MTMR9: variants seen among roughly 807,000 people sequenced by gnomAD.
MTMR9 encodes the protein myotubularin-related protein 9.
In MTMR9, 39 loss-of-function variants were observed where a neutral mutation model predicts 69.5. That is an observed-to-expected ratio of 0.56 (90% CI 0.43 to 0.73). MTMR9 has a LOEUF of 0.73. MTMR9 is among the 30% of genes least tolerant of loss of function. The probability of loss-of-function intolerance (pLI) is 0.00; values close to 1 mark genes in which losing one functional copy is unlikely to be tolerated. For missense variants in MTMR9, 900 were observed against 671.2 expected (o/e 1.34, Z -3.77); for synonymous variants, 354 against 240.8 (o/e 1.47, Z -4.35).
At chr8:11,328,921 C>T (rs1315776610), downstream of MTMR9, among the ~76,000 whole-genome samples, 2 of 152,234 alleles carry the variant, frequency 1.3e-5, no homozygotes, top group Non-Finnish European at 2.9e-5. Flanking sequence ...TAAAATCTTA[C>T]ATTTAGATCT....
At chr8:11,291,442 G>A (rs941081032) in intron 1 of MTMR9, among the ~76,000 whole-genome samples, 1 of 152,098 alleles carries the variant, frequency 6.6e-6, no homozygotes, top group Non-Finnish European at 1.5e-5. Flanking sequence ...TACAGGGCAT[G>A]GATGGGACAA....
chr8:11,302,439 G>A (rs893742377), intron 3 of MTMR9, among the ~76,000 whole-genome samples: 1 of 151,942 alleles, frequency 6.6e-6, no homozygotes, highest in Non-Finnish European at 1.5e-5. Context: ...ACATGTTGTT[G>A]TTCAGCTACT....
At chr8:11,312,776 C>T (rs1422512876) in intron 6 of MTMR9, among the ~76,000 whole-genome samples, 1 of 152,168 alleles carries the variant, frequency 6.6e-6, no homozygotes, top group Non-Finnish European at 1.5e-5. Context: ...GTAGCTATGG[C>T]CTTAAAATAA....
chr8:11,309,704 G>C lies in MTMR9; in HGVS notation c.971+16G>C, dbSNP rs979095615. The stretch of plus-strand genomic sequence containing the variant: ...GCATCGACAGGTAAAGTGCATTTCA[G>C]CGTTCCTGAGCGAAACATGGCGCTG... On this transcript the variant is annotated intron_variant, in intron 6 of 9. Coordinates refer to ENST00000221086, the MANE Select transcript of MTMR9 (RefSeq NM_015458.4). 4 of 1,610,908 alleles carry C rather than the reference G, an allele frequency of 2.5e-6. No individual in the cohort carries two copies. Among genetic ancestry groups the C allele is most frequent in the Admixed American group, 3.4e-5 (2 of 59,334 alleles).
At chr8:11,329,764 C>T (rs1801120700), downstream of MTMR9, among the ~76,000 whole-genome samples, 2 of 152,194 alleles carry the variant, frequency 1.3e-5, no homozygotes, top group African/African-American at 4.8e-5. Context: ...AGCGTCTCCG[C>T]CTGGCCACCC....
At chr8:11,308,735 C>A (rs1419280651) in intron 5 of MTMR9, among the ~76,000 whole-genome samples, 3 of 152,078 alleles carry the variant, frequency 2.0e-5, no homozygotes, top group Non-Finnish European at 4.4e-5. Context: ...CATTGTTTTT[C>A]TCTCTGTTTT....
chr8:11,310,426 A>C (rs1251518364), intron 6 of MTMR9, among the ~76,000 whole-genome samples: 4 of 152,194 alleles, frequency 2.6e-5, no homozygotes, highest in Non-Finnish European at 4.4e-5. Context: ...TGAGACTTTA[A>C]CTTGTTTTAT....
At chr8:11,329,445 C>A (rs1385121651), downstream of MTMR9, among the ~76,000 whole-genome samples, 2 of 152,278 alleles carry the variant, frequency 1.3e-5, no homozygotes, top group South Asian at 4.1e-4. Flanking sequence ...TGCCGAGTGC[C>A]TGCCATTGCA....
chr8:11,311,251 A>G (rs1338844168), intron 6 of MTMR9, among the ~76,000 whole-genome samples: 2 of 152,230 alleles, frequency 1.3e-5, no homozygotes, highest in Admixed American at 6.5e-5. Context: ...CTTTTAAATT[A>G]AGAACCCCCA....
At chr8:11,306,876 C>T (rs1222951923) in intron 5 of MTMR9, among the ~76,000 whole-genome samples, 1 of 152,138 alleles carries the variant, frequency 6.6e-6, no homozygotes, top group African/African-American at 2.4e-5. Context: ...CCGACCCCTC[C>T]TGCTACTTTC....
intron 1 of MTMR9, 42 bp downstream of exon 1, chr8:11,285,112 T>TC (rs762268807): frequency 6.7e-7 from 1 of 1,489,584 alleles, no homozygotes; most frequent in South Asian, 1.3e-5. Flanking sequence ...GAGCCGGGGG[T>TC]CCCTTGTGGG....
In MTMR9 at chr8:11,325,776, G is replaced by A. The variant is rs920903643; in HGVS notation, c.*2988G>A. On this transcript the variant is annotated 3_prime_UTR_variant, in exon 10 of 10. Transcript: ENST00000221086. ...TTATTTGGTCAAAATTTTTTATTTT[G>A]ATTTTATTAAATGGGAAGAAAGCAA... is the stretch of plus-strand genomic sequence containing the variant. The A allele has an allele frequency of 1.3e-5, 2 of 151,152 alleles. No homozygotes were observed. Among genetic ancestry groups the A allele is most frequent in the African/African-American group, 4.9e-5 (2 of 41,140 alleles). The allele number at this position is 151,152 out of a possible 1,614,324, so 9.4% of individuals were successfully genotyped here.
Position 11,309,676 on chromosome 8 carries a change from A to T in MTMR9, c.959A>T (p.Gln320Leu). Residue 320 changes from glutamine (Q) to leucine (L), a missense_variant, in exon 6 of 10, where the codon CAG (glutamine) becomes CTG (leucine). Coordinates refer to ENST00000221086, the MANE Select transcript of MTMR9 (RefSeq NM_015458.4). ...CTGACAACTGCCTGCCTAGCGGCTCAGTGCATCGACAGGTAAAGTGCATTT... is the reference window on the plus strand; with the variant it reads ...CTGACAACTGCCTGCCTAGCGGCTCTGTGCATCGACAGGTAAAGTGCATTT... ...EILTTACLAAQCIDREGASIL... is the reference protein window; with the variant it reads ...EILTTACLAALCIDREGASIL... The T allele has an allele frequency of 6.2e-7, 1 of 1,613,842 alleles. No individual in the cohort carries two copies. The highest frequency in any genetic ancestry group is 2.2e-5 in the East Asian group (1 of 44,880).
At chr8:11,303,631 TC>T (rs1799831393) in intron 3 of MTMR9, among the ~76,000 whole-genome samples, 1 of 152,140 alleles carries the variant, frequency 6.6e-6, no homozygotes, top group Non-Finnish European at 1.5e-5. Context: ...CTTCCTGGGC[TC>T]CCGTGATTCT....
At chr8:11,295,693 A>G (rs1431767586) in intron 2 of MTMR9, among the ~76,000 whole-genome samples, 1 of 152,244 alleles carries the variant, frequency 6.6e-6, no homozygotes, top group Admixed American at 6.5e-5. Flanking sequence ...GTTTTGCTTG[A>G]TATTTTATGT....
At chr8:11,320,478 C>T (rs886770069) in intron 9 of MTMR9, 3 of 152,128 alleles carry the variant, frequency 2.0e-5, no homozygotes, top group African/African-American at 7.2e-5. Context: ...CCTGTAATCC[C>T]AGCACATTGG....
At chr8:11,294,641 C>T (rs1040369174) in intron 1 of MTMR9, 1 of 151,602 alleles carries the variant, frequency 6.6e-6, no homozygotes, top group African/African-American at 2.4e-5. Flanking sequence ...AGCTGCATGC[C>T]ACCACGCCCA....
intron 4 of MTMR9, among the ~76,000 whole-genome samples, chr8:11,305,394 T>C (rs1430465931): frequency 2.0e-5 from 3 of 152,248 alleles, no homozygotes; most frequent in Non-Finnish European, 4.4e-5. Context: ...ACGTGAAAGG[T>C]GGAGCAGACG....
At chr8:11,310,377 A>G (rs925525390) in intron 6 of MTMR9, among the ~76,000 whole-genome samples, 24 of 152,372 alleles carry the variant, frequency 1.6e-4, no homozygotes, top group African/African-American at 5.3e-4. Context: ...GTAGGTAGAT[A>G]TAAGTATTAT....
Sources: gnomAD v4.1 joint callset for allele counts (sites outside exome capture counted in the v4.1 genomes callset) on GRCh38, gnomAD v4.1.1 for gene constraint, MANE v1.5 for transcripts, NCBI Gene and HGNC (gene_info 2026-07-23, HGNC 2026-07-21) for gene names.